The following POFUT3 variants were observed in gnomAD, a reference collection of about 807,000 sequenced individuals.
POFUT3 encodes protein O-fucosyltransferase 3.
At chr8:33,337,110 C>G in the POFUT3 span, among the ~76,000 whole-genome samples, 1 of 152,176 alleles carries the variant, frequency 6.6e-6, no homozygotes, top group Non-Finnish European at 1.5e-5. Context: ...GATGATGAAG[C>G]CTCTGCCTTT....
the POFUT3 span, among the ~76,000 whole-genome samples, chr8:33,326,631 C>T: frequency 2.0e-5 from 3 of 152,270 alleles, no homozygotes; most frequent in African/African-American, 7.2e-5. Flanking sequence ...GAGTGAAATG[C>T]CAACCTCCAC....
At chr8:33,461,308 T>C in the POFUT3 span, 9 of 1,502,900 alleles carry the variant, frequency 6.0e-6, no homozygotes, top group South Asian at 2.6e-5. Flanking sequence ...TTTGAGAAAA[T>C]AGGGGGTAGG....
the POFUT3 span, among the ~76,000 whole-genome samples, chr8:33,426,679 C>T: frequency 1.3e-5 from 2 of 152,214 alleles, no homozygotes; most frequent in Non-Finnish European, 1.5e-5. Context: ...GTAAAAATGG[C>T]TGCCTTTCAG....
the POFUT3 span, among the ~76,000 whole-genome samples, chr8:33,315,108 C>T: frequency 6.6e-6 from 1 of 152,112 alleles, no homozygotes; most frequent in East Asian, 1.9e-4. Flanking sequence ...TAGAGCATAC[C>T]TCTGTGTGTA....
chr8:33,312,380 A>G, the POFUT3 span, among the ~76,000 whole-genome samples: 1 of 152,168 alleles, frequency 6.6e-6, no homozygotes. Flanking sequence ...AAGCCAAGGC[A>G]TGCCAAGGAT....
the POFUT3 span, among the ~76,000 whole-genome samples, chr8:33,336,422 T>C: frequency 6.6e-6 from 1 of 152,202 alleles, no homozygotes; most frequent in Non-Finnish European, 1.5e-5. Context: ...TTAACCTTTG[T>C]TTTTAATATT....
the POFUT3 span, among the ~76,000 whole-genome samples, chr8:33,444,100 A>C: frequency 6.6e-6 from 1 of 152,006 alleles, no homozygotes; most frequent in Non-Finnish European, 1.5e-5. Context: ...ACCAGTCACC[A>C]AAGGAGTAAG....
At chr8:33,415,286 A>C in the POFUT3 span, among the ~76,000 whole-genome samples, 1 of 152,262 alleles carries the variant, frequency 6.6e-6, no homozygotes, top group African/African-American at 2.4e-5. Context: ...ATAAATAAAT[A>C]AACAAATCTA....
At chr8:33,365,631 T>C in the POFUT3 span, among the ~76,000 whole-genome samples, 4 of 152,190 alleles carry the variant, frequency 2.6e-5, no homozygotes, top group Non-Finnish European at 4.4e-5. Context: ...AAGACATCTA[T>C]GCAGCCAACA....
chr8:33,370,834 A>C, the POFUT3 span: 1 of 152,206 alleles, frequency 6.6e-6, no homozygotes, highest in Non-Finnish European at 1.5e-5. Context: ...TTTTATATGC[A>C]ATTTAAAATC....
At chr8:33,388,376 G>A in the POFUT3 span, among the ~76,000 whole-genome samples, 6 of 126,154 alleles carry the variant, frequency 4.8e-5, no homozygotes, top group South Asian at 2.6e-4. Flanking sequence ...TCGCTCTGTC[G>A]CCCAGGCTGT....
chr8:33,435,960 A>C, the POFUT3 span, among the ~76,000 whole-genome samples: 1 of 152,054 alleles, frequency 6.6e-6, no homozygotes, highest in Non-Finnish European at 1.5e-5. Flanking sequence ...GACTCTTGCC[A>C]CAGTCATTCC....
At chr8:33,452,696 ACAC>A in the POFUT3 span, 1 of 142,054 alleles carries the variant, frequency 7.0e-6, no homozygotes, top group Non-Finnish European at 1.5e-5. Context: ...AAACACACAC[ACAC>A]ACACACACAC....
At chr8:33,345,877 G>A in the POFUT3 span, among the ~76,000 whole-genome samples, 14 of 149,578 alleles carry the variant, frequency 9.4e-5, no homozygotes, top group Non-Finnish European at 1.6e-4. Context: ...CCAGGCTGGA[G>A]TGCAACGGGG....
At chr8:33,331,967 G>A in the POFUT3 span, among the ~76,000 whole-genome samples, 2 of 150,174 alleles carry the variant, frequency 1.3e-5, no homozygotes, top group African/African-American at 2.4e-5. Context: ...GAGCCACCGC[G>A]CCCGGCCTCT....
the POFUT3 span, among the ~76,000 whole-genome samples, chr8:33,469,214 G>A: frequency 6.6e-6 from 1 of 152,140 alleles, no homozygotes; most frequent in African/African-American, 2.4e-5. Flanking sequence ...GCTGAGGCAG[G>A]AGAATGGCAT....
chr8:33,339,316 G>A, the POFUT3 span, among the ~76,000 whole-genome samples: 86 of 152,302 alleles, frequency 5.6e-4, no homozygotes, highest in African/African-American at 1.9e-3. Flanking sequence ...TAGGCTAACT[G>A]TAAGAATGGA....
At chr8:33,358,458 G>A in the POFUT3 span, among the ~76,000 whole-genome samples, 1 of 152,100 alleles carries the variant, frequency 6.6e-6, no homozygotes, top group Non-Finnish European at 1.5e-5. Context: ...AAATCATCAT[G>A]GGGCAATTAG....
chr8:33,370,192 AAAAAAAAAAAAAAT>A, the POFUT3 span, among the ~76,000 whole-genome samples: 1 of 148,044 alleles, frequency 6.8e-6, no homozygotes, highest in African/African-American at 2.5e-5. Context: ...AAAAAAAAAA[AAAAAAAAAAAAAAT>A]TGTCCAGGCC....
Sources: allele counts gnomAD v4.1 joint callset (sites outside exome capture counted in the v4.1 genomes callset), GRCh38; gene constraint gnomAD v4.1.1; transcripts MANE v1.5; gene names NCBI Gene and HGNC (gene_info 2026-07-23, HGNC 2026-07-21).